The following NPAS1 variants were observed in gnomAD, a reference collection of about 807,000 sequenced individuals.
NPAS1 encodes neuronal PAS domain-containing protein 1.
NPAS1 carries 29 observed loss-of-function variants against 49.2 expected under a neutral mutation model. The observed-to-expected ratio is 0.59, with a 90% CI of 0.44 to 0.80. NPAS1 has a LOEUF of 0.80. Among genes scored for constraint, NPAS1 ranks in the 30% least tolerant of loss-of-function variants. The pLI, the probability that NPAS1 is intolerant of heterozygous loss-of-function variation, is 0.00. For synonymous variants in NPAS1, 408 were observed against 380.4 expected, an observed-to-expected ratio of 1.07 and a Z score of -0.84; for missense variants, 825 against 835.5, an observed-to-expected ratio of 0.99 and a Z score of 0.15.
At position 47,039,377 on chromosome 19, in the gene NPAS1, CCCT is replaced by C. The variant is rs1390059665; in HGVS notation, c.805-24_805-22del. The C allele has an allele frequency of 5.0e-6, 8 of 1,610,028 alleles. No individual in the cohort carries two copies. In the African/African-American group the frequency reaches 9.4e-5, roughly 19 times the overall value. The stretch of plus-strand genomic sequence containing the variant: ...TCTTGCCCCCACTGGCCCGCCTTGT[CCCT>C]CCTCCAACCATGCCCACCACCAGCA... On this transcript the variant is annotated intron_variant, in intron 7 of 11. Transcript: ENST00000602212.
intron 8 of NPAS1, 84 bp from the exon 9 acceptor site, chr19:47,040,360 A>T: frequency 1.2e-6 from 1 of 861,652 alleles, no homozygotes; most frequent in Non-Finnish European, 1.8e-6. Context: ...AAGGGTGTGA[A>T]CCCCAGGGGA....
rs1194246865 is a variant in NPAS1, at chr19:47,045,258, C to T, written c.1380C>T (p.Gly460=). ...AGAACGAGGCCCCCCAGACCCAGGG[C>T]AAACGCATCAAAGTGGAGCCCGGCC... is the stretch of plus-strand genomic sequence containing the variant. ...PAENEAPQTQ[G]KRIKVEPGPR... is the part of the protein sequence containing the mutation. The change falls in exon 12 of 12, where the codon GGC becomes GGT. Residue 460 remains glycine (G), a synonymous_variant. Transcript: ENST00000602212. 6.2e-7 allele frequency: 1 copy of T among 1,614,030 alleles called. No homozygotes were observed.
intron 8 of NPAS1, among the ~76,000 whole-genome samples, chr19:47,039,952 G>C (rs1300796447): frequency 6.6e-6 from 1 of 152,162 alleles, no homozygotes; most frequent in African/African-American, 2.4e-5. Context: ...GAGGTGTCCA[G>C]GGTGCCTAGG....
chr19:47,032,011 G>A (rs2122485035), intron 3 of NPAS1, among the ~76,000 whole-genome samples: 1 of 152,184 alleles, frequency 6.6e-6, no homozygotes, highest in South Asian at 2.1e-4. Flanking sequence ...GGTATTCAGG[G>A]AGCTTTTGTG....
intron 3 of NPAS1, among the ~76,000 whole-genome samples, chr19:47,030,556 T>C (rs930219406): frequency 4.0e-5 from 6 of 151,422 alleles, no homozygotes; most frequent in Admixed American, 3.3e-4. Flanking sequence ...TCTTGATCTC[T>C]TGGGTTCAAG....
intron 1 of NPAS1, among the ~76,000 whole-genome samples, chr19:47,020,244 T>C (rs1014173598): frequency 1.3e-5 from 2 of 151,528 alleles, no homozygotes; most frequent in Admixed American, 6.6e-5. Context: ...TAGGGGGTGT[T>C]CTGAACGCCT....
At position 47,045,595 on chromosome 19, in the gene NPAS1, C is replaced by T. The variant is rs1197461600; in HGVS notation, c.1717C>T (p.Leu573=). 4.8e-6 allele frequency: 7 copies of T among 1,473,638 alleles called. No individual in the cohort carries two copies. The highest frequency in any genetic ancestry group is 6.2e-6 in the Non-Finnish European group (7 of 1,123,056). 91.3% of individuals were successfully genotyped at this position (1,473,638 alleles called of 1,614,324 possible). The change falls in exon 12 of 12, where the codon CTG becomes TTG. Residue 573 remains leucine (L), a synonymous_variant. Transcript: ENST00000602212. ...PALPEAFYPP[L]GLPYPGPAGT... ...GCTCCCGGAGGCCTTTTACCCGCCC[C>T]TGGGCCTGCCCTACCCGGGGCCCGC...
chr19:47,041,055 G>T lies in NPAS1; in HGVS notation c.1147G>T (p.Val383Leu), dbSNP rs1259969516. ...CGGGGGCTTCGTGTGGCTGCAGTCT[G>T]TGGCCACAGTGGCTGGGAGCGGGAA... is the stretch of plus-strand genomic sequence containing the variant. The part of the protein sequence containing the change: ...RAGGFVWLQS[V>L]ATVAGSGKSP... Residue 383 changes from valine (V) to leucine (L), a missense_variant, in exon 10 of 12, where the codon GTG becomes TTG. Val to Leu is a conservative substitution (Grantham distance 32). Coordinates refer to ENST00000602212, the MANE Select transcript of NPAS1 (RefSeq NM_002517.4). 1.3e-6 allele frequency: 2 copies of T among 1,591,352 alleles called. No individual in the cohort carries two copies. The highest frequency in any genetic ancestry group is 8.5e-7 in the Non-Finnish European group (1 of 1,171,608).
rs780068160 is a variant in NPAS1 at position 47,031,193 on chromosome 19, G to GT, written c.359-1065dup. Among the ~76,000 whole-genome samples, 30 of 142,568 alleles carry GT rather than the reference G, an allele frequency of 2.1e-4. 2 individuals carry two copies. The South Asian group carries it at 4.5e-3, about 21-fold the overall frequency. 93.5% of individuals were successfully genotyped at this position (142,568 alleles called of 152,430 possible). Reference sequence around the variant, plus strand: ...TTTGTTAGTTTCTTTGTGTGTGTGTGTTTTTTTTTTTTTTTTTTTTAAACA... The same window carrying GT: ...TTTGTTAGTTTCTTTGTGTGTGTGTGTTTTTTTTTTTTTTTTTTTTTAAACA... On this transcript the variant is annotated intron_variant, in intron 3 of 11. Coordinates refer to ENST00000602212, the MANE Select transcript of NPAS1 (RefSeq NM_002517.4).
chr19:47,023,546 G>T (rs1433062657), intron 3 of NPAS1, among the ~76,000 whole-genome samples: 1 of 152,178 alleles, frequency 6.6e-6, no homozygotes. Flanking sequence ...AACAAGAGGC[G>T]AAGCACCTGC....
intron 3 of NPAS1, among the ~76,000 whole-genome samples, chr19:47,028,780 C>T (rs2056889036): frequency 6.6e-6 from 1 of 152,108 alleles, no homozygotes; most frequent in African/African-American, 2.4e-5. Context: ...GTCACCAAGT[C>T]TCTCCCCTGG....
rs57439342 is a variant in NPAS1, at chr19:47,036,717, C to CAAA, written c.688+602_688+604dup. Among the ~76,000 whole-genome samples, 980 of 131,110 alleles carry CAAA rather than the reference C, an allele frequency of 7.5e-3. 8 individuals carry two copies. The highest frequency in any genetic ancestry group is 0.022 in the South Asian group (93 of 4,190). The allele number at this position is 131,110 out of a possible 152,430, so 86.0% of individuals were successfully genotyped here. ...TGAAACCCCATCTCTACTAAAAATACAAAAAAAAAAAAAAAATTAGCTGGG... is the reference window on the plus strand; with the variant it reads ...TGAAACCCCATCTCTACTAAAAATACAAAAAAAAAAAAAAAAAAATTAGCTGGG... On this transcript the variant is annotated intron_variant, in intron 6 of 11. Transcript: ENST00000602212.
chr19:47,036,773 T>TC (rs1488473986), intron 6 of NPAS1, among the ~76,000 whole-genome samples: 2 of 148,922 alleles, frequency 1.3e-5, no homozygotes, highest in Non-Finnish European at 3.0e-5. Flanking sequence ...TCCCAGCTAC[T>TC]CGGGAGGCTG....
chr19:47,032,605 G>T (rs760299191), intron 4 of NPAS1, 38 bp from the exon 5 acceptor site: 13 of 1,570,298 alleles, frequency 8.3e-6, no homozygotes, highest in Non-Finnish European at 1.1e-5. Flanking sequence ...GGGACACCGG[G>T]TCCTCTCCTT....
At chr19:47,043,931 TGGTTCACACCCATAGTCCCAGCTACTC>T (rs989094281) in intron 11 of NPAS1, among the ~76,000 whole-genome samples, 1 of 151,992 alleles carries the variant, frequency 6.6e-6, no homozygotes, top group Non-Finnish European at 1.5e-5. Context: ...CCAGGTGTGA[TGGTTCACACCCATAGTCCCAGCTACTC>T]GGGAGGCTGA....
At chr19:47,034,134 G>A (rs1230768357) in intron 5 of NPAS1, among the ~76,000 whole-genome samples, 3 of 150,972 alleles carry the variant, frequency 2.0e-5, no homozygotes, top group South Asian at 2.1e-4. Flanking sequence ...GAGAAACCCC[G>A]TCTCTCTACT....
intron 8 of NPAS1, among the ~76,000 whole-genome samples, chr19:47,040,023 GGTTT>G (rs966567798): frequency 3.2e-4 from 49 of 152,036 alleles, no homozygotes; most frequent in African/African-American, 4.6e-4. Flanking sequence ...ACTGTTTTGT[GGTTT>G]GTTTGTTTGT....
intron 5 of NPAS1, among the ~76,000 whole-genome samples, chr19:47,035,678 G>C (rs535252849): frequency 1.1e-4 from 16 of 152,254 alleles, no homozygotes; most frequent in African/African-American, 3.1e-4. Context: ...TGGGTAAACG[G>C]AGGTTCTGAC....
At chr19:47,031,786 C>T (rs1265468756) in intron 3 of NPAS1, among the ~76,000 whole-genome samples, 1 of 151,780 alleles carries the variant, frequency 6.6e-6, no homozygotes, top group Non-Finnish European at 1.5e-5. Flanking sequence ...GCCTCAGCCT[C>T]CCAAAGTGCT....
Sources: allele counts gnomAD v4.1 joint callset (sites outside exome capture counted in the v4.1 genomes callset), GRCh38; gene constraint gnomAD v4.1.1; transcripts MANE v1.5; gene names NCBI Gene and HGNC (gene_info 2026-07-23, HGNC 2026-07-21).